STAC: variants seen among roughly 807,000 people sequenced by gnomAD.
The protein encoded by STAC is SH3 and cysteine rich domain, also known as SH3 and cysteine-rich domain-containing protein.
A neutral mutation model predicts 48.8 loss-of-function variants in STAC; 43 were observed. The observed-to-expected ratio is 0.88, with a 90% CI of 0.69 to 1.14. The LOEUF is 1.14. Among genes scored for constraint, STAC ranks in the 50% most tolerant of loss-of-function variants. STAC has a pLI of 0.00. For synonymous variants in STAC, 193 were observed against 179.5 expected (o/e 1.07, Z -0.60); for missense variants, 497 against 504.0 (o/e 0.99, Z 0.13).
At position 36,509,846 on chromosome 3, in the gene STAC, C is replaced by T. The variant is rs187142085; in HGVS notation, c.920+4012C>T. Among the ~76,000 whole-genome samples, 5 of 152,042 alleles carry T rather than the reference C, an allele frequency of 3.3e-5. No homozygotes were observed. The East Asian group carries it at 9.7e-4, about 30-fold the overall frequency. ...AAAGAGTTAAACGTAAGACCTAAAA[C>T]CATAAAAACCCTAGAAGAAAACCTA... On this transcript the variant is annotated intron_variant, in intron 8 of 10. Transcript: ENST00000273183.
At chr3:36,513,354 G>T (rs554067562) in intron 8 of STAC, among the ~76,000 whole-genome samples, 1 of 152,162 alleles carries the variant, frequency 6.6e-6, no homozygotes, top group South Asian at 2.1e-4. Flanking sequence ...AGCCAGCCAG[G>T]GAGAGGACTC....
At chr3:36,512,576 G>A (rs1218441143) in intron 8 of STAC, among the ~76,000 whole-genome samples, 2 of 152,084 alleles carry the variant, frequency 1.3e-5, no homozygotes, top group Non-Finnish European at 2.9e-5. Context: ...AATGTTACTG[G>A]GATAATGAGG....
chr3:36,492,041 T>A (rs1452705249), intron 5 of STAC, among the ~76,000 whole-genome samples: 1,072 of 39,046 alleles, frequency 0.027, 28 homozygotes, highest in East Asian at 0.062. Flanking sequence ...AATATATATA[T>A]ATATATATAT....
chr3:36,441,960 G>C (rs867966380), intron 1 of STAC, among the ~76,000 whole-genome samples: 1 of 151,580 alleles, frequency 6.6e-6, no homozygotes, highest in East Asian at 1.9e-4. Flanking sequence ...TTTTGCCATT[G>C]AGATGCTTGA....
chr3:36,479,702 T>C (rs924535078), intron 2 of STAC, among the ~76,000 whole-genome samples: 1 of 152,224 alleles, frequency 6.6e-6, no homozygotes, highest in Non-Finnish European at 1.5e-5. Flanking sequence ...CTAGTAGTTT[T>C]CTTAAATTTA....
rs543557637 is a variant in STAC, at chr3:36,494,819, G to C, written c.766+1590G>C. On this transcript the variant is annotated intron_variant, in intron 6 of 10. Coordinates refer to ENST00000273183, the MANE Select transcript of STAC (RefSeq NM_003149.3). ...TGGCTTCGAGGGGAACTTCATAGCAGGTCAGCAGCACAGCAGGGCCATCCC... is the reference window on the plus strand; with the variant it reads ...TGGCTTCGAGGGGAACTTCATAGCACGTCAGCAGCACAGCAGGGCCATCCC... 2.2e-4 allele frequency among the ~76,000 whole-genome samples: 34 copies of C among 152,336 alleles called. No individual in the cohort carries two copies. In the South Asian group the frequency reaches 6.8e-3, roughly 31 times the overall value.
chr3:36,444,424 C>G (rs1366911577), intron 2 of STAC, among the ~76,000 whole-genome samples: 2 of 152,198 alleles, frequency 1.3e-5, no homozygotes, highest in East Asian at 3.9e-4. Flanking sequence ...TTGGCTGATC[C>G]AGACTCAGCT....
intron 2 of STAC, among the ~76,000 whole-genome samples, chr3:36,464,099 C>T (rs1199731128): frequency 6.6e-6 from 1 of 152,192 alleles, no homozygotes; most frequent in African/African-American, 2.4e-5. Context: ...GCCACACTGA[C>T]TTGCACAATG....
chr3:36,482,950 G>T, intron 2 of STAC, 42 bp from the exon 3 acceptor site: 1 of 1,396,648 alleles, frequency 7.2e-7, no homozygotes, highest in South Asian at 1.2e-5. Context: ...AGCAGGAAAT[G>T]GCAGGTTGTA....
chr3:36,529,884 G>A (rs1699023365), intron 10 of STAC, among the ~76,000 whole-genome samples: 1 of 152,122 alleles, frequency 6.6e-6, no homozygotes, highest in Non-Finnish European at 1.5e-5. Context: ...CACTTTGGGA[G>A]GCCGAGGAGG....
chr3:36,537,604 G>A (rs979832578), intron 10 of STAC, among the ~76,000 whole-genome samples: 1 of 152,026 alleles, frequency 6.6e-6, no homozygotes, highest in Non-Finnish European at 1.5e-5. Flanking sequence ...ATGCACGTGG[G>A]CTTAATACCT....
chr3:36,482,398 C>T (rs987796033), intron 2 of STAC, among the ~76,000 whole-genome samples: 4 of 152,148 alleles, frequency 2.6e-5, no homozygotes, highest in African/African-American at 9.7e-5. Flanking sequence ...CATGATAGCA[C>T]CCTGTCCCAA....
intron 1 of STAC, among the ~76,000 whole-genome samples, chr3:36,420,350 C>T (rs1310045001): frequency 2.0e-5 from 3 of 152,194 alleles, no homozygotes; most frequent in Non-Finnish European, 4.4e-5. Flanking sequence ...AACCTGACTT[C>T]CTTTTTCAGT....
intron 5 of STAC, among the ~76,000 whole-genome samples, chr3:36,492,924 G>A (rs1053186677): frequency 2.0e-5 from 3 of 152,098 alleles, no homozygotes; most frequent in Non-Finnish European, 4.4e-5. Context: ...ATACTCACTG[G>A]ATACCTACCA....
chr3:36,498,889 T>G (rs1698217377), intron 6 of STAC, among the ~76,000 whole-genome samples: 1 of 152,178 alleles, frequency 6.6e-6, no homozygotes, highest in Admixed American at 6.5e-5. Flanking sequence ...TTGCTGAAAC[T>G]GCAGAATTTC....
At chr3:36,493,303 C>G in intron 6 of STAC, 74 bp downstream of exon 6, 1 of 1,406,968 alleles carries the variant, frequency 7.1e-7, no homozygotes, top group South Asian at 1.2e-5. Flanking sequence ...AGTTGATTTC[C>G]AGTCCCCTTG....
chr3:36,420,163 T>G (rs1700415763), intron 1 of STAC, among the ~76,000 whole-genome samples: 1 of 152,218 alleles, frequency 6.6e-6, no homozygotes, highest in Non-Finnish European at 1.5e-5. Context: ...TTTCCTCTTC[T>G]ATCCTAAGTA....
intron 2 of STAC, among the ~76,000 whole-genome samples, chr3:36,444,749 T>C (rs562543710): frequency 9.2e-5 from 14 of 152,218 alleles, no homozygotes; most frequent in Non-Finnish European, 1.6e-4. Flanking sequence ...CAATATGTAA[T>C]CTACCATTTA....
At position 36,484,967 on chromosome 3, in the gene STAC, C is replaced by A; in HGVS notation, c.490-10C>A. On this transcript the variant is annotated splice_polypyrimidine_tract_variant and intron_variant, in intron 3 of 10. Coordinates refer to ENST00000273183, the MANE Select transcript of STAC (RefSeq NM_003149.3). ...ACATTAACCCCTTGCCTTCCTCATT[C>A]TCTCTCCAGCCAAAGGGGTTTCGGC... is the stretch of plus-strand genomic sequence containing the variant. The A allele has an allele frequency of 1.3e-6, 2 of 1,587,928 alleles. No individual in the cohort carries two copies. Among genetic ancestry groups the A allele is most frequent in the Non-Finnish European group, 1.7e-6 (2 of 1,166,378 alleles).
Sources: gnomAD v4.1 joint callset for allele counts (sites outside exome capture counted in the v4.1 genomes callset) on GRCh38, gnomAD v4.1.1 for gene constraint, MANE v1.5 for transcripts, NCBI Gene and HGNC (gene_info 2026-07-23, HGNC 2026-07-21) for gene names.